Variants in PTH2R observed in about 807,000 individuals in gnomAD.
The protein encoded by PTH2R is parathyroid hormone 2 receptor.
In PTH2R, 59 loss-of-function variants were observed where a neutral mutation model predicts 60.3. That is an observed-to-expected ratio of 0.98 (90% CI 0.79 to 1.22). The LOEUF is 1.22. Among genes scored for constraint, PTH2R ranks in the 50% most tolerant of loss-of-function variants. PTH2R has a pLI of 0.00. For missense variants in PTH2R, 749 were observed against 682.6 expected (o/e 1.10, Z -1.08); for synonymous variants, 256 against 243.8 (o/e 1.05, Z -0.47).
At chr2:208,363,513 T>C (rs1158904523) in intron 1 of PTH2R, among the ~76,000 whole-genome samples, 1 of 152,216 alleles carries the variant, frequency 6.6e-6, no homozygotes, top group Non-Finnish European at 1.5e-5. Flanking sequence ...ACAATTTACA[T>C]TTCTTTGGGT....
At chr2:208,431,344 G>T (rs866788516) in intron 2 of PTH2R, among the ~76,000 whole-genome samples, 2 of 152,014 alleles carry the variant, frequency 1.3e-5, no homozygotes, top group African/African-American at 4.8e-5. Context: ...TGCTGCATAT[G>T]ATAATTGTAA....
rs1402369425 is a variant in PTH2R, at chr2:208,365,925, GATAAATATATATATAT to G, written c.-259+5692_-259+5707del. On this transcript the variant is annotated intron_variant, in intron 1 of 12. Coordinates refer to the PTH2R transcript ENST00000617735. ...TAATTTATATATATATAATATAATA[GATAAATATATATATAT>G]ATATATATATATATATATATTTTTT... Among the ~76,000 whole-genome samples, 46 of 52,942 alleles carry G rather than the reference GATAAATATATATATAT, an allele frequency of 8.7e-4. 1 individual carries two copies. Among genetic ancestry groups the G allele is most frequent in the African/African-American group, 3.4e-3 (44 of 13,094 alleles). 34.7% of individuals were successfully genotyped at this position (52,942 alleles called of 152,430 possible).
At chr2:208,431,772 G>C (rs1379024246) in intron 2 of PTH2R, among the ~76,000 whole-genome samples, 2 of 152,122 alleles carry the variant, frequency 1.3e-5, no homozygotes, top group Non-Finnish European at 2.9e-5. Context: ...CAGGCCTCAG[G>C]CTCTTCTTTT....
intron 9 of PTH2R, among the ~76,000 whole-genome samples, chr2:208,463,609 G>A (rs1179769435): frequency 6.6e-6 from 1 of 152,142 alleles, no homozygotes; most frequent in Non-Finnish European, 1.5e-5. Context: ...AACAGTGGCT[G>A]CCACACAGCG....
At chr2:208,471,752 C>G (rs1702886210) in intron 9 of PTH2R, among the ~76,000 whole-genome samples, 1 of 152,168 alleles carries the variant, frequency 6.6e-6, no homozygotes, top group African/African-American at 2.4e-5. Context: ...GGGCCACTGT[C>G]CTCCAGACCC....
Position 208,490,718 on chromosome 2 carries a change from C to G in PTH2R, c.1257+38C>G, listed in dbSNP as rs547466106. Reference sequence around the variant, plus strand: ...GAACCTTGGACAGGTCTCGCTTCAGCTTGTAAATGGCCATCACAATGTATC... The same window carrying G: ...GAACCTTGGACAGGTCTCGCTTCAGGTTGTAAATGGCCATCACAATGTATC... On this transcript the variant is annotated intron_variant, in intron 12 of 12. Transcript: ENST00000272847. The G allele has an allele frequency of 7.9e-5, 124 of 1,568,146 alleles. 2 individuals carry two copies. In the South Asian group the frequency reaches 1.4e-3, roughly 18 times the overall value.
Position 208,437,559 on chromosome 2 carries a change from G to C in PTH2R, c.201G>C (p.Trp67Cys), listed in dbSNP as rs1428080299. Residue 67 changes from tryptophan (W) to cysteine (C), a missense_variant, in exon 3 of 13, where the codon TGG (tryptophan) becomes TGC (cysteine). Coordinates refer to ENST00000272847, the MANE Select transcript of PTH2R (RefSeq NM_005048.4). The part of the protein sequence containing the change: ...QEGEGNCFPE[W>C]DGLICWPRGT... ...TAGAAGGTAATTGTTTCCCTGAATG[G>C]GATGGACTCATTTGTTGGCCCAGAG... 1 of 1,611,828 alleles carries C rather than the reference G, an allele frequency of 6.2e-7. No homozygotes were observed. Among genetic ancestry groups the C allele is most frequent in the South Asian group, 1.1e-5 (1 of 90,438 alleles).
intron 1 of PTH2R, among the ~76,000 whole-genome samples, chr2:208,395,683 A>G (rs1357123058): frequency 6.6e-5 from 10 of 152,192 alleles, no homozygotes; most frequent in East Asian, 1.9e-4. Context: ...CTCTGCCAAC[A>G]CCCAGAATGG....
chr2:208,375,139 A>G lies in PTH2R; in HGVS notation c.-259+14902A>G, dbSNP rs958255906. Among the ~76,000 whole-genome samples, 9 of 152,164 alleles carry G rather than the reference A, an allele frequency of 5.9e-5. 1 individual carries two copies. Among genetic ancestry groups the G allele is most frequent in the African/African-American group, 2.2e-4 (9 of 41,396 alleles). On this transcript the variant is annotated intron_variant, in intron 1 of 12. Transcript: ENST00000617735. ...GATTTGTTTTTACTTTTTTAATTTC[A>G]GAGAGTTATGTTGGTTGCAAAAATC...
intron 7 of PTH2R, among the ~76,000 whole-genome samples, chr2:208,450,491 C>T (rs752823332): frequency 6.6e-6 from 1 of 152,122 alleles, no homozygotes; most frequent in African/African-American, 2.4e-5. Context: ...TATGGCTTTT[C>T]CCTACACCCC....
intron 2 of PTH2R, among the ~76,000 whole-genome samples, chr2:208,435,325 T>C (rs1284323281): frequency 6.6e-6 from 1 of 152,188 alleles, no homozygotes; most frequent in Non-Finnish European, 1.5e-5. Context: ...CATGCCCTAA[T>C]ACCTGCTGTT....
At chr2:208,370,976 A>T (rs1268551067) in intron 1 of PTH2R, among the ~76,000 whole-genome samples, 2 of 151,972 alleles carry the variant, frequency 1.3e-5, no homozygotes, top group Non-Finnish European at 2.9e-5. Flanking sequence ...TGATAGAGGG[A>T]GCAAGAGAGA....
At chr2:208,370,469 A>G (rs1700677770) in intron 1 of PTH2R, among the ~76,000 whole-genome samples, 1 of 149,606 alleles carries the variant, frequency 6.7e-6, no homozygotes, top group African/African-American at 2.5e-5. Context: ...AAAAAAAAAA[A>G]AAAAAAGAAA....
At chr2:208,408,251 A>G (rs1701458641) in intron 1 of PTH2R, among the ~76,000 whole-genome samples, 1 of 152,234 alleles carries the variant, frequency 6.6e-6, no homozygotes, top group Non-Finnish European at 1.5e-5. Context: ...TTAGCAATGG[A>G]TAGCTGAAAG....
chr2:208,464,207 AAC>A (rs1410823710), intron 9 of PTH2R, among the ~76,000 whole-genome samples: 4 of 152,196 alleles, frequency 2.6e-5, no homozygotes, highest in African/African-American at 7.2e-5. Flanking sequence ...CTTCTATTCA[AAC>A]ACAATAAAAC....
Position 208,481,137 on chromosome 2 carries a change from T to C in PTH2R, c.1049T>C (p.Val350Ala), listed in dbSNP as rs143730934. The C allele has an allele frequency of 6.7e-4, 1,081 of 1,610,876 alleles. 20 individuals carry two copies. In the East Asian group the frequency reaches 0.024, roughly 35 times the overall value. Residue 350 changes from valine (V) to alanine (A), a missense_variant, in exon 10 of 13, where the codon GTT (valine) becomes GCT (alanine). Physicochemically the swap from Val to Ala is moderately conservative, Grantham distance 64 (BLOSUM62 0). Transcript: ENST00000272847. ...LATKIWETNAVGHDTRKQYRK... is the reference protein window; with the variant it reads ...LATKIWETNAAGHDTRKQYRK... ...ACCAAAATCTGGGAGACCAATGCAG[T>C]TGGGCATGACACAAGGAAGCAATAC...
intron 10 of PTH2R, among the ~76,000 whole-genome samples, chr2:208,482,031 A>G (rs1294427520): frequency 6.6e-6 from 1 of 152,226 alleles, no homozygotes. Flanking sequence ...GGACACATAC[A>G]TCTAGTAATC....
chr2:208,487,601 G>A (rs1286731650), intron 10 of PTH2R, among the ~76,000 whole-genome samples: 3 of 152,120 alleles, frequency 2.0e-5, no homozygotes, highest in Non-Finnish European at 2.9e-5. Context: ...CAAACCTAGC[G>A]GCTTAAAACA....
At position 208,363,450 on chromosome 2, in the gene PTH2R, T is replaced by C. The variant is rs372528654; in HGVS notation, c.-259+3213T>C. Among the ~76,000 whole-genome samples, 8 of 152,350 alleles carry C rather than the reference T, an allele frequency of 5.3e-5. No homozygotes were observed. The South Asian group carries it at 1.7e-3, about 32-fold the overall frequency. On this transcript the variant is annotated intron_variant, in intron 1 of 12. Transcript: ENST00000617735. ...ATCTAGGTTGATTCCATGTCTTTGA[T>C]ATTGTGAATAGTGCTATGATGAACA... is the stretch of plus-strand genomic sequence containing the variant.
Sources: gnomAD v4.1 joint callset for allele counts (sites outside exome capture counted in the v4.1 genomes callset) on GRCh38, gnomAD v4.1.1 for gene constraint, MANE v1.5 for transcripts, NCBI Gene and HGNC (gene_info 2026-07-23, HGNC 2026-07-21) for gene names.